Variants in COL4A1 observed in about 807,000 individuals in gnomAD.
COL4A1 encodes the protein collagen alpha-1(IV) chain.
COL4A1 carries 40 observed loss-of-function variants against 216.6 expected under a neutral mutation model. The ratio of observed to expected loss-of-function variants is 0.18; its 90% CI spans 0.14 to 0.24. The LOEUF (loss-of-function observed/expected upper bound fraction) is 0.24, where lower values mean the gene tolerates loss of function less well. Ranked by LOEUF, COL4A1 falls within the 10% of genes least tolerant of loss-of-function variation. The probability of loss-of-function intolerance (pLI) is 1.00; values close to 1 mark genes in which losing one functional copy is unlikely to be tolerated. For missense variants in COL4A1, 1,628 were observed against 2,196.8 expected, an observed-to-expected ratio of 0.74 and a Z score of 5.18; for synonymous variants, 839 against 810.7, an observed-to-expected ratio of 1.03 and a Z score of -0.59.
chr13:110,176,512 T>A lies in COL4A1; in HGVS notation c.2970A>T (p.Gly990=). ...CACTTATACCTGGATCACCTTTAGG[T>A]CCTAGAACCATAAAGAAAGCAGTCT... is the stretch of plus-strand genomic sequence containing the variant. The part of the protein sequence containing the change: ...DGQAGQPGQP[G]PKGDPGISGT... The change falls in exon 36 of 52, where the codon GGA becomes GGT. Residue 990 remains glycine, a splice_region_variant and synonymous_variant. Coordinates refer to ENST00000375820, the MANE Select transcript of COL4A1 (RefSeq NM_001845.6). 2 of 1,612,108 alleles carry A rather than the reference T, an allele frequency of 1.2e-6. No homozygotes were observed. Among genetic ancestry groups the A allele is most frequent in the Non-Finnish European group, 1.7e-6 (2 of 1,178,146 alleles).
chr13:110,155,880 C>G (rs1876763343), intron 49 of COL4A1, among the ~76,000 whole-genome samples: 1 of 152,152 alleles, frequency 6.6e-6, no homozygotes, highest in South Asian at 2.1e-4. Flanking sequence ...TCAATGCACT[C>G]CAGCCTGGGC....
chr13:110,210,349 G>A (rs540031108), intron 8 of COL4A1, 137 bp from the exon 9 acceptor site: 144 of 797,852 alleles, frequency 1.8e-4, no homozygotes, highest in Non-Finnish European at 2.9e-4. Flanking sequence ...GTCTACACTG[G>A]AAATCAATAG....
chr13:110,164,536 C>T (rs1205209438), intron 46 of COL4A1, among the ~76,000 whole-genome samples: 1 of 152,162 alleles, frequency 6.6e-6, no homozygotes, highest in Non-Finnish European at 1.5e-5. Context: ...TTCCAGATTG[C>T]TACATGCCAC....
chr13:110,219,771 T>G (rs11620511), intron 2 of COL4A1, among the ~76,000 whole-genome samples: 1 of 135,076 alleles, frequency 7.4e-6, no homozygotes, highest in Admixed American at 8.2e-5. Context: ...CGTATATATG[T>G]ATATATATGC....
chr13:110,187,019 T>C, intron 25 of COL4A1, 119 bp downstream of exon 25: 1 of 1,316,604 alleles, frequency 7.6e-7, no homozygotes, highest in Admixed American at 1.8e-5. Context: ...TGAAACAAGT[T>C]CATTTGTGCC....
At chr13:110,218,997 CCATCAGAAGAGA>C (rs773548231) in intron 2 of COL4A1, among the ~76,000 whole-genome samples, 4 of 152,316 alleles carry the variant, frequency 2.6e-5, no homozygotes, top group Non-Finnish European at 4.4e-5. Flanking sequence ...AGCCCAACCA[CCATCAGAAGAGA>C]CATCAGAAGA....
chr13:110,235,349 C>G (rs2139236864), intron 2 of COL4A1, among the ~76,000 whole-genome samples: 1 of 152,072 alleles, frequency 6.6e-6, no homozygotes, highest in African/African-American at 2.4e-5. Flanking sequence ...CTGTTAAAAA[C>G]AGCAATAAAA....
chr13:110,190,732 A>G (rs1011762405), intron 24 of COL4A1: 1 of 152,122 alleles, frequency 6.6e-6, no homozygotes. Flanking sequence ...AAAATTACTA[A>G]CTTCTCAATT....
intron 17 of COL4A1, 43 bp downstream of exon 17, chr13:110,205,310 T>C (rs769652497): frequency 4.3e-6 from 7 of 1,611,262 alleles, no homozygotes; most frequent in Non-Finnish European, 5.9e-6. Context: ...CTGGGTTGAA[T>C]TGGAAAGTGA....
In COL4A1 at chr13:110,176,769, A is replaced by C. The variant is rs763902358; in HGVS notation, c.2870-45T>G. 1.2e-5 allele frequency: 19 copies of C among 1,613,420 alleles called. No homozygotes were observed. The South Asian group carries it at 1.2e-4, about 10-fold the overall frequency. ...ATAGCAATGACCCGCATTTGCTTGC[A>C]AGCAAGTTGCTGCAGAAACGCAGGT... On this transcript the variant is annotated intron_variant, in intron 34 of 51. Transcript: ENST00000375820.
In COL4A1 at chr13:110,211,520, T is replaced by A. The variant is rs1450975233; in HGVS notation, c.468+127A>T. ...TGTACAGTCTTTTCATGTAACAGAGTTTAGGGAAGTGTGTTCAGAAACAAT... is the reference window on the plus strand; with the variant it reads ...TGTACAGTCTTTTCATGTAACAGAGATTAGGGAAGTGTGTTCAGAAACAAT... On this transcript the variant is annotated intron_variant, in intron 8 of 51. Transcript: ENST00000375820. The surrounding 1 kb of genome is among the most constrained non-coding windows in gnomAD (Gnocchi z 4.3). 2.4e-6 allele frequency: 2 copies of A among 846,538 alleles called. No individual in the cohort carries two copies. Among genetic ancestry groups the A allele is most frequent in the Non-Finnish European group, 3.7e-6 (2 of 540,698 alleles). 52.4% of individuals were successfully genotyped at this position (846,538 alleles called of 1,614,324 possible).
At chr13:110,279,307 G>A (rs1042197424) in intron 1 of COL4A1, among the ~76,000 whole-genome samples, 2 of 152,108 alleles carry the variant, frequency 1.3e-5, no homozygotes, top group Non-Finnish European at 1.5e-5. Flanking sequence ...CTGGAGTCCA[G>A]TTCCACACCT....
At chr13:110,290,287 G>C (rs1218347055) in intron 1 of COL4A1, among the ~76,000 whole-genome samples, 1 of 152,186 alleles carries the variant, frequency 6.6e-6, no homozygotes, top group African/African-American at 2.4e-5. Context: ...TCGGCAGGCG[G>C]CTTCTGGGAT....
chr13:110,199,029 T>A (rs1411190457), intron 20 of COL4A1, among the ~76,000 whole-genome samples: 1 of 152,172 alleles, frequency 6.6e-6, no homozygotes, highest in Non-Finnish European at 1.5e-5. Context: ...GGGTTGGCAA[T>A]CTAGAAGAAA....
At chr13:110,166,346 T>A (rs1462326876) in intron 44 of COL4A1, 43 bp from the exon 45 acceptor site, 1 of 1,222,560 alleles carries the variant, frequency 8.2e-7, no homozygotes. Context: ...GAATTCCCAA[T>A]GATATACAAA....
rs1251576238 is a variant in COL4A1 at position 110,154,530 on chromosome 13, G to A, written c.4755+753C>T. Among the ~76,000 whole-genome samples the A allele has an allele frequency of 6.6e-5, 10 of 152,364 alleles. No individual in the cohort carries two copies. The East Asian group carries it at 1.2e-3, about 18-fold the overall frequency. Reference sequence around the variant, plus strand: ...TTGTAGTAGAATGTGTACTCCCCACGTGGAGGCTCTCTTCCTCCTTTCCCT... The same window carrying A: ...TTGTAGTAGAATGTGTACTCCCCACATGGAGGCTCTCTTCCTCCTTTCCCT... On this transcript the variant is annotated intron_variant, in intron 50 of 51. Transcript: ENST00000375820.
chr13:110,183,102 G>A lies in COL4A1; in HGVS notation c.1991-5C>T. 1 of 1,612,580 alleles carries A rather than the reference G, an allele frequency of 6.2e-7. No homozygotes were observed. The highest frequency in any genetic ancestry group is 1.1e-5 in the South Asian group (1 of 90,714). On this transcript the variant is annotated splice_polypyrimidine_tract_variant and splice_region_variant and intron_variant, in intron 27 of 51. Transcript: ENST00000375820. ...TTCCGGGAAAGCCTCGGTCTCCTGTGGTGAGAAAGACCAACAGTCAGCGTG... is the reference window on the plus strand; with the variant it reads ...TTCCGGGAAAGCCTCGGTCTCCTGTAGTGAGAAAGACCAACAGTCAGCGTG...
At chr13:110,199,605 C>T (rs931800690) in intron 20 of COL4A1, among the ~76,000 whole-genome samples, 7 of 152,214 alleles carry the variant, frequency 4.6e-5, no homozygotes, top group Non-Finnish European at 1.0e-4. Flanking sequence ...ACCAGACCCT[C>T]AGGGTGAGGA....
rs144993155 is a variant in COL4A1, at chr13:110,210,911, T to C, written c.469-699A>G. ...CTGGTGTCTGGCCTGCCCACCTCAC[T>C]CTGCAGGTTTTGAGTTTGCCGGCCC... is the stretch of plus-strand genomic sequence containing the variant. On this transcript the variant is annotated intron_variant, in intron 8 of 51. Transcript: ENST00000375820. Among the ~76,000 whole-genome samples the C allele has an allele frequency of 5.1e-3, 781 of 152,138 alleles. 6 individuals are homozygous for C. The highest frequency in any genetic ancestry group is 0.018 in the East Asian group (95 of 5,154).
Sources: allele counts gnomAD v4.1 joint callset (sites outside exome capture counted in the v4.1 genomes callset), GRCh38; gene constraint gnomAD v4.1.1; non-coding constraint Gnocchi (gnomAD v3.1); transcripts MANE v1.5; gene names NCBI Gene and HGNC (gene_info 2026-07-23, HGNC 2026-07-21).